SLC12A7: variants seen among roughly 807,000 people sequenced by gnomAD.
SLC12A7 encodes K-Cl cotransporter 4.
SLC12A7 carries 100 observed loss-of-function variants against 120.6 expected under a neutral mutation model. The observed-to-expected ratio is 0.83, with a 90% CI of 0.71 to 0.98. SLC12A7 has a LOEUF of 0.98. SLC12A7 is among the 50% of genes least tolerant of loss of function. The pLI, the probability that SLC12A7 is intolerant of heterozygous loss-of-function variation, is 0.00. For missense variants in SLC12A7, 1,373 were observed against 1,548.1 expected (o/e 0.89, Z 1.90); for synonymous variants, 760 against 678.0 (o/e 1.12, Z -1.88).
intron 20 of SLC12A7, among the ~76,000 whole-genome samples, chr5:1,061,001 C>CGGG (rs1561034490): frequency 7.4e-6 from 1 of 135,408 alleles, no homozygotes; most frequent in African/African-American, 3.0e-5. Flanking sequence ...ACCTGCCGTG[C>CGGG]AGGATCCCTG....
chr5:1,144,863 G>A, the SLC12A7 span, among the ~76,000 whole-genome samples: 42 of 152,372 alleles, frequency 2.8e-4, no homozygotes, highest in Middle Eastern at 3.4e-3. Flanking sequence ...CCTCCGAGCG[G>A]CAGAAAGCAG....
At chr5:1,153,949 C>T in the SLC12A7 span, among the ~76,000 whole-genome samples, 1 of 152,126 alleles carries the variant, frequency 6.6e-6, no homozygotes, top group Non-Finnish European at 1.5e-5. Flanking sequence ...CAAGAAATGA[C>T]TCCAGGCTCA....
Position 1,065,367 on chromosome 5 carries a change from C to T in SLC12A7, c.2353G>A (p.Gly785Ser), listed in dbSNP as rs559843361. ...ATGAGCACCGTGTTGTGCTTCAGGCCGCCCAGGCCGGCCGACTGGATCAGG... is the reference window on the plus strand; with the variant it reads ...ATGAGCACCGTGTTGTGCTTCAGGCTGCCCAGGCCGGCCGACTGGATCAGG... ...SHLIQSAGLGGLKHNTVLMAW... is the reference protein window; with the variant it reads ...SHLIQSAGLGSLKHNTVLMAW... Residue 785 changes from glycine (G) to serine (S), a missense_variant, in exon 18 of 24, where the codon GGC becomes AGC. By Grantham distance (56) the Gly-to-Ser change is moderately conservative (BLOSUM62 0). Transcript: ENST00000264930. 1.7e-4 allele frequency: 268 copies of T among 1,612,338 alleles called. No homozygotes were observed. Among genetic ancestry groups the T allele is most frequent in the Non-Finnish European group, 2.1e-4 (249 of 1,179,468 alleles).
chr5:1,078,071 C>T, intron 11 of SLC12A7, 64 bp from the exon 12 acceptor site: 2 of 1,497,796 alleles, frequency 1.3e-6, no homozygotes, highest in Non-Finnish European at 8.9e-7. Context: ...GACAAAATGT[C>T]TTCTCCCACC....
At position 1,083,879 on chromosome 5, in the gene SLC12A7, T is replaced by A. The variant is rs151105532; in HGVS notation, c.995A>T (p.Asn332Ile). 2.5e-6 allele frequency: 4 copies of A among 1,608,066 alleles called. No homozygotes were observed. The African/African-American group carries it at 5.3e-5, about 21-fold the overall frequency. ...ACVKAYGIHN[N>I]SATSALWGLF... Reference sequence around the variant, plus strand: ...GCCCCAGAGCGCGGAGGTGGCTGAGTTGTTGTGGATGCCGTAGGCCTTGAC... The same window carrying A: ...GCCCCAGAGCGCGGAGGTGGCTGAGATGTTGTGGATGCCGTAGGCCTTGAC... The change falls in exon 8 of 24, where the codon AAC becomes ATC. Residue 332 changes from asparagine to isoleucine, a missense_variant. Asn to Ile is a moderately radical substitution (Grantham distance 149). Coordinates refer to ENST00000264930, the MANE Select transcript of SLC12A7 (RefSeq NM_006598.3).
chr5:1,088,581 C>T (rs1740146840), intron 4 of SLC12A7, among the ~76,000 whole-genome samples: 1 of 152,196 alleles, frequency 6.6e-6, no homozygotes, highest in Non-Finnish European at 1.5e-5. Context: ...ACAGCGACCC[C>T]TGAAAGTGCC....
At chr5:1,140,756 G>A in the SLC12A7 span, among the ~76,000 whole-genome samples, 1 of 152,262 alleles carries the variant, frequency 6.6e-6, no homozygotes, top group Non-Finnish European at 1.5e-5. Flanking sequence ...CGGAGGGGGT[G>A]CAGGGAAGGG....
In SLC12A7 at chr5:1,064,163, C is replaced by T. The variant is rs779222783; in HGVS notation, c.2527G>A (p.Gly843Arg). The T allele has an allele frequency of 1.7e-5, 27 of 1,612,196 alleles. No individual in the cohort carries two copies. Among genetic ancestry groups the T allele is most frequent in the East Asian group, 1.1e-4 (5 of 44,856 alleles). ...SFPQNQERFGGGHIDVWWIVH... is the reference protein window; with the variant it reads ...SFPQNQERFGRGHIDVWWIVH... ...ATCCACCACACGTCGATGTGGCCCCCGCCGAAGCGCTCCTGGTTTTGCGGA... is the reference window on the plus strand; with the variant it reads ...ATCCACCACACGTCGATGTGGCCCCTGCCGAAGCGCTCCTGGTTTTGCGGA... Residue 843 changes from glycine (G) to arginine (R), a missense_variant, in exon 19 of 24, where the codon GGG (glycine) becomes AGG (arginine). Physicochemically the swap from Gly to Arg is moderately radical, Grantham distance 125 (BLOSUM62 -2). Coordinates refer to ENST00000264930, the MANE Select transcript of SLC12A7 (RefSeq NM_006598.3).
chr5:1,094,073 TG>T, intron 2 of SLC12A7, 80 bp downstream of exon 2: 5 of 1,156,204 alleles, frequency 4.3e-6, no homozygotes, highest in Non-Finnish European at 3.9e-6. Flanking sequence ...GGCCCCGGCC[TG>T]GGGGCCCCCA....
intron 17 of SLC12A7, among the ~76,000 whole-genome samples, chr5:1,073,367 G>A (rs1460437356): frequency 6.6e-6 from 1 of 152,216 alleles, no homozygotes. Flanking sequence ...GCTCTGGACG[G>A]GGCTCACCCA....
chr5:1,075,235 G>T, intron 15 of SLC12A7, 136 bp downstream of exon 15: 1 of 1,259,772 alleles, frequency 7.9e-7, no homozygotes, highest in Non-Finnish European at 1.1e-6. Context: ...ACCTGGACGT[G>T]CTCCCAGCTG....
intron 1 of SLC12A7, among the ~76,000 whole-genome samples, chr5:1,104,579 G>A (rs903081968): frequency 6.6e-6 from 1 of 152,194 alleles, no homozygotes; most frequent in African/African-American, 2.4e-5. Context: ...CCACTACAGT[G>A]GATGGCAATC....
chr5:1,065,380 C>G lies in SLC12A7; in HGVS notation c.2340G>C (p.Ser780=), dbSNP rs141087631. The change falls in exon 18 of 24, where the codon TCG becomes TCC. Residue 780 remains serine, a synonymous_variant. Coordinates refer to ENST00000264930, the MANE Select transcript of SLC12A7 (RefSeq NM_006598.3). ...TGTGCTTCAGGCCGCCCAGGCCGGC[C>G]GACTGGATCAGGTGGGACATGCCAT... ...LRDGMSHLIQ[S]AGLGGLKHNT... is the part of the protein sequence containing the mutation. The G allele has an allele frequency of 2.5e-6, 4 of 1,612,498 alleles. No individual in the cohort carries two copies. Among genetic ancestry groups the G allele is most frequent in the African/African-American group, 2.7e-5 (2 of 74,892 alleles).
At chr5:1,139,987 A>G in the SLC12A7 span, among the ~76,000 whole-genome samples, 11 of 152,348 alleles carry the variant, frequency 7.2e-5, no homozygotes, top group East Asian at 1.9e-3. Context: ...AGGCCGGGAC[A>G]TGCTGGAAGG....
At position 1,065,511 on chromosome 5, in the gene SLC12A7, AG is replaced by A. The variant is rs1488708940; in HGVS notation, c.2242-34del. The A allele has an allele frequency of 3.3e-6, 5 of 1,529,888 alleles. No individual in the cohort carries two copies. The African/African-American group carries it at 6.9e-5, about 21-fold the overall frequency. The allele number at this position is 1,529,888 out of a possible 1,614,324, so 94.8% of individuals were successfully genotyped here. A position where few individuals can be genotyped will look rare whatever the true frequency, so the allele number is the denominator to read the frequency against. On this transcript the variant is annotated intron_variant, in intron 17 of 23. Coordinates refer to ENST00000264930, the MANE Select transcript of SLC12A7 (RefSeq NM_006598.3). Reference sequence around the variant, plus strand: ...AGACAGGACAGGTTGGTGCTACAGCAGGAATGGGGTGCACAGACCCACGCCC... The same window carrying A: ...AGACAGGACAGGTTGGTGCTACAGCAGAATGGGGTGCACAGACCCACGCCC...
At chr5:1,139,134 C>T in the SLC12A7 span, among the ~76,000 whole-genome samples, 1 of 152,254 alleles carries the variant, frequency 6.6e-6, no homozygotes, top group South Asian at 2.1e-4. Flanking sequence ...CAGCTGGGCT[C>T]CCTCCTCATC....
chr5:1,073,688 G>C lies in SLC12A7; in HGVS notation c.2186C>G (p.Ser729Trp). ...GTCCAGGTACGTCCCCTCCAGCACC[G>C]AGCCCACGATGGTCAGGCCCTTGCC... The part of the protein sequence containing the change: ...KAGKGLTIVG[S>W]VLEGTYLDKH... Residue 729 changes from serine (S) to tryptophan (W), a missense_variant, in exon 17 of 24, where the codon TCG becomes TGG. By Grantham distance (177) the Ser-to-Trp change is radical (BLOSUM62 -3). Transcript: ENST00000264930. 2 of 1,589,350 alleles carry C rather than the reference G, an allele frequency of 1.3e-6. No homozygotes were observed. The highest frequency in any genetic ancestry group is 1.7e-6 in the Non-Finnish European group (2 of 1,167,586).
At chr5:1,073,930 C>T (rs1738019870) in intron 16 of SLC12A7, 129 bp from the exon 17 acceptor site, 2 of 922,780 alleles carry the variant, frequency 2.2e-6, no homozygotes, top group Non-Finnish European at 2.9e-6. Context: ...ACAGGCGGGA[C>T]AGGGGACAAA....
intron 1 of SLC12A7, among the ~76,000 whole-genome samples, chr5:1,108,278 A>G (rs1295087571): frequency 6.6e-6 from 1 of 152,226 alleles, no homozygotes; most frequent in East Asian, 1.9e-4. Context: ...GCCTGGGAGT[A>G]TGTCAGGCGC....
Sources: gnomAD v4.1 joint callset for allele counts (sites outside exome capture counted in the v4.1 genomes callset) on GRCh38, gnomAD v4.1.1 for gene constraint, MANE v1.5 for transcripts, NCBI Gene and HGNC (gene_info 2026-07-23, HGNC 2026-07-21) for gene names.